BBX: variants seen among roughly 807,000 people sequenced by gnomAD.
The protein encoded by BBX is BBX high mobility group box domain containing, also known as HMG box transcription factor BBX.
BBX carries 30 observed loss-of-function variants against 100.2 expected under a neutral mutation model. The observed-to-expected ratio is 0.30, with a 90% CI of 0.22 to 0.41. The LOEUF is 0.41. Ranked by LOEUF, BBX falls within the 10% of genes least tolerant of loss-of-function variation. The pLI is 1.00. For synonymous variants in BBX, 376 were observed against 388.1 expected (o/e 0.97, Z 0.37); for missense variants, 1,023 against 1,129.8 (o/e 0.91, Z 1.35).
In BBX at chr3:107,806,809, AG is replaced by A. The variant is rs970626016; in HGVS notation, c.*1355del. ...ATTAGTCTGAGGCTACAGATTTTAC[AG>A]GGTATTTGTTCTATAGCACAAAGTA... is the stretch of plus-strand genomic sequence containing the variant. On this transcript the variant is annotated 3_prime_UTR_variant, in exon 18 of 18. Coordinates refer to ENST00000325805, the MANE Select transcript of BBX (RefSeq NM_001142568.3). The A allele has an allele frequency of 6.6e-6, 1 of 152,244 alleles. No individual in the cohort carries two copies. Among genetic ancestry groups the A allele is most frequent in the African/African-American group, 2.4e-5 (1 of 41,464 alleles). The allele number at this position is 152,244 out of a possible 1,614,324, so 9.4% of individuals were successfully genotyped here. A position where few individuals can be genotyped will look rare whatever the true frequency, so the allele number is the denominator to read the frequency against.
intron 7 of BBX, among the ~76,000 whole-genome samples, chr3:107,738,622 G>A (rs1015784319): frequency 6.6e-6 from 1 of 152,138 alleles, no homozygotes; most frequent in Non-Finnish European, 1.5e-5. Flanking sequence ...TTCCAACGCC[G>A]GAGGACTAGC....
intron 9 of BBX, among the ~76,000 whole-genome samples, chr3:107,750,332 A>C (rs1355351808): frequency 6.6e-6 from 1 of 152,158 alleles, no homozygotes. Flanking sequence ...ACTTATTAGG[A>C]GTTGTTTCAA....
chr3:107,746,840 GA>G (rs1220037120), intron 8 of BBX, among the ~76,000 whole-genome samples: 1 of 151,926 alleles, frequency 6.6e-6, no homozygotes, highest in African/African-American at 2.4e-5. Flanking sequence ...TAACTAAAAC[GA>G]AAAAGCAGTT....
At chr3:107,637,153 C>G (rs750380358) in intron 2 of BBX, among the ~76,000 whole-genome samples, 1 of 152,150 alleles carries the variant, frequency 6.6e-6, no homozygotes, top group Non-Finnish European at 1.5e-5. Flanking sequence ...ACTGTCTACA[C>G]TGACATTAAC....
At chr3:107,678,056 A>G (rs1476533842) in intron 3 of BBX, among the ~76,000 whole-genome samples, 1 of 152,162 alleles carries the variant, frequency 6.6e-6, no homozygotes, top group African/African-American at 2.4e-5. Flanking sequence ...GTTTATGTGT[A>G]TATAAGCACA....
chr3:107,786,645 T>G (rs1559736641), intron 13 of BBX, among the ~76,000 whole-genome samples: 1 of 152,130 alleles, frequency 6.6e-6, no homozygotes, highest in African/African-American at 2.4e-5. Context: ...AAATTTAACT[T>G]AGAATAGATC....
At chr3:107,580,082 T>C (rs2052159517) in intron 2 of BBX, among the ~76,000 whole-genome samples, 1 of 152,166 alleles carries the variant, frequency 6.6e-6, no homozygotes, top group South Asian at 2.1e-4. Context: ...CAATAATCTT[T>C]TATGTAAAAT....
chr3:107,539,584 C>T (rs1216209789), intron 2 of BBX, among the ~76,000 whole-genome samples: 1 of 152,142 alleles, frequency 6.6e-6, no homozygotes, highest in Non-Finnish European at 1.5e-5. Flanking sequence ...AATGACCTTC[C>T]AGACTTTTAA....
chr3:107,661,395 C>T (rs916000289), intron 3 of BBX, among the ~76,000 whole-genome samples: 1 of 152,112 alleles, frequency 6.6e-6, no homozygotes, highest in Non-Finnish European at 1.5e-5. Context: ...AGTCACATTA[C>T]CTCTCTGACC....
chr3:107,576,790 A>T (rs1429234469), intron 2 of BBX, among the ~76,000 whole-genome samples: 2 of 152,150 alleles, frequency 1.3e-5, no homozygotes, highest in African/African-American at 2.4e-5. Flanking sequence ...CAAGGGATTG[A>T]CCAAAACGCA....
At chr3:107,549,869 C>CTT (rs34639576) in intron 2 of BBX, among the ~76,000 whole-genome samples, 1 of 135,008 alleles carries the variant, frequency 7.4e-6, no homozygotes. Context: ...TTGTTCTTAC[C>CTT]TTTTTTTTTT....
chr3:107,626,654 A>ATTT (rs11331777), intron 2 of BBX, among the ~76,000 whole-genome samples: 1 of 131,482 alleles, frequency 7.6e-6, no homozygotes, highest in Non-Finnish European at 1.6e-5. Flanking sequence ...TTTCCATAGG[A>ATTT]TTTTTTTTTT....
At chr3:107,644,949 T>C (rs1028505293) in intron 2 of BBX, among the ~76,000 whole-genome samples, 1 of 152,146 alleles carries the variant, frequency 6.6e-6, no homozygotes, top group Non-Finnish European at 1.5e-5. Flanking sequence ...AAAAAAAAAC[T>C]TAAGCTAAGC....
At chr3:107,599,966 A>T (rs867408574) in intron 2 of BBX, among the ~76,000 whole-genome samples, 1 of 152,174 alleles carries the variant, frequency 6.6e-6, no homozygotes, top group South Asian at 2.1e-4. Context: ...ATTCATGAGG[A>T]GCTTTTTGCA....
intron 2 of BBX, among the ~76,000 whole-genome samples, chr3:107,571,501 G>C (rs2051360904): frequency 2.0e-5 from 3 of 152,144 alleles, no homozygotes; most frequent in Admixed American, 2.0e-4. Context: ...GAGATTGAAG[G>C]GTAGTGAGAG....
At chr3:107,709,997 A>G (rs2061616628) in intron 3 of BBX, among the ~76,000 whole-genome samples, 4 of 152,274 alleles carry the variant, frequency 2.6e-5, no homozygotes, top group Admixed American at 2.6e-4. Flanking sequence ...AAATCATTAT[A>G]GTAAAATAGC....
chr3:107,713,249 T>C (rs1163864173), intron 4 of BBX, among the ~76,000 whole-genome samples: 1 of 152,232 alleles, frequency 6.6e-6, no homozygotes, highest in Non-Finnish European at 1.5e-5. Flanking sequence ...CCATTACTGC[T>C]GCCTAGATTT....
At chr3:107,672,349 C>A (rs929283486) in intron 3 of BBX, among the ~76,000 whole-genome samples, 2 of 151,864 alleles carry the variant, frequency 1.3e-5, no homozygotes, top group Non-Finnish European at 2.9e-5. Flanking sequence ...ATTTTATAAC[C>A]CTGTGATACA....
intron 3 of BBX, among the ~76,000 whole-genome samples, chr3:107,663,555 C>G (rs329925): frequency 6.6e-6 from 1 of 151,710 alleles, no homozygotes; most frequent in Non-Finnish European, 1.5e-5. Flanking sequence ...TTTTCTTGGT[C>G]GTTTTTCTCA....
Sources: allele counts gnomAD v4.1 joint callset (sites outside exome capture counted in the v4.1 genomes callset), GRCh38; gene constraint gnomAD v4.1.1; transcripts MANE v1.5; gene names NCBI Gene and HGNC (gene_info 2026-07-23, HGNC 2026-07-21).